SLC14A2: variants seen among roughly 807,000 people sequenced by gnomAD.
SLC14A2 encodes the protein solute carrier family 14 member 2, also known as urea transporter 2.
A neutral mutation model predicts 104.6 loss-of-function variants in SLC14A2; 91 were observed. The ratio of observed to expected loss-of-function variants is 0.87; its 90% CI spans 0.73 to 1.04. SLC14A2 has a LOEUF of 1.04. Ranked by LOEUF, SLC14A2 falls within the 50% of genes least tolerant of loss-of-function variation. SLC14A2 has a pLI of 0.00. For missense variants in SLC14A2, 1,189 were observed against 1,156.0 expected, an observed-to-expected ratio of 1.03 and a Z score of -0.41; for synonymous variants, 476 against 466.4, an observed-to-expected ratio of 1.02 and a Z score of -0.27.
upstream of SLC14A2, among the ~76,000 whole-genome samples, chr18:45,613,716 A>G (rs916363313): frequency 2.6e-5 from 4 of 152,228 alleles, no homozygotes; most frequent in Non-Finnish European, 5.9e-5. Context: ...ACGATTTAGG[A>G]TATCTGGCAG....
chr18:45,524,079 T>C (rs746735922), intron 2 of SLC14A2, among the ~76,000 whole-genome samples: 12 of 152,238 alleles, frequency 7.9e-5, no homozygotes, highest in Non-Finnish European at 1.5e-4. Flanking sequence ...CTTTCCTGGC[T>C]ATTGTAAGGA....
chr18:45,352,365 T>G (rs1407658398), intron 1 of SLC14A2, among the ~76,000 whole-genome samples: 1 of 152,070 alleles, frequency 6.6e-6, no homozygotes, highest in African/African-American at 2.4e-5. Flanking sequence ...CTCTTTTAGG[T>G]AGAGACGAAT....
At chr18:45,651,685 A>G (rs990175102) in intron 10 of SLC14A2, among the ~76,000 whole-genome samples, 7 of 152,106 alleles carry the variant, frequency 4.6e-5, no homozygotes, top group Non-Finnish European at 8.8e-5. Context: ...CTCTTTTCCA[A>G]TTCCCAACGT....
chr18:45,172,740 G>C, the SLC14A2 span, among the ~76,000 whole-genome samples: 3 of 152,108 alleles, frequency 2.0e-5, no homozygotes, highest in Admixed American at 6.6e-5. Context: ...TCCTACTTCT[G>C]TGATCCAATC....
At chr18:45,531,445 G>T (rs1333077365) in intron 2 of SLC14A2, among the ~76,000 whole-genome samples, 1 of 152,176 alleles carries the variant, frequency 6.6e-6, no homozygotes, top group Admixed American at 6.5e-5. Context: ...TTTCTCTGAT[G>T]GCCAGTGATG....
chr18:45,405,160 C>G (rs2086139837), intron 1 of SLC14A2, among the ~76,000 whole-genome samples: 1 of 152,192 alleles, frequency 6.6e-6, no homozygotes, highest in South Asian at 2.1e-4. Flanking sequence ...TTGCAGAACA[C>G]TCCCCAGGGC....
intron 2 of SLC14A2, among the ~76,000 whole-genome samples, chr18:45,503,280 G>A (rs1183247598): frequency 1.3e-5 from 2 of 152,088 alleles, no homozygotes; most frequent in Non-Finnish European, 2.9e-5. Flanking sequence ...TTAGGGAACA[G>A]GCTATGGTGG....
chr18:45,501,752 C>T lies in SLC14A2; in HGVS notation c.-35+18430C>T, dbSNP rs191941388. Among the ~76,000 whole-genome samples the T allele has an allele frequency of 1.0e-3, 155 of 152,288 alleles. 2 individuals are homozygous for T. The highest frequency in any genetic ancestry group is 9.4e-3 in the Admixed American group (144 of 15,302). On this transcript the variant is annotated intron_variant, in intron 2 of 20. Coordinates refer to the SLC14A2 transcript ENST00000586448. Reference sequence around the variant, plus strand: ...CTGAAAGGTTTCTCAACACTTTCCCCGGATCAGAGTGGTCCCAGAGTCTTG... The same window carrying T: ...CTGAAAGGTTTCTCAACACTTTCCCTGGATCAGAGTGGTCCCAGAGTCTTG...
chr18:45,410,493 A>C (rs1435712822), intron 1 of SLC14A2, among the ~76,000 whole-genome samples: 2 of 152,268 alleles, frequency 1.3e-5, no homozygotes, highest in East Asian at 3.9e-4. Context: ...CTCTCTTAAA[A>C]TGTTTTATTT....
intron 1 of SLC14A2, among the ~76,000 whole-genome samples, chr18:45,428,135 A>C (rs2086461766): frequency 1.3e-5 from 2 of 152,196 alleles, no homozygotes; most frequent in South Asian, 4.1e-4. Flanking sequence ...TTATATGTAA[A>C]TCACCTAGCT....
chr18:45,237,193 C>T (rs1042036579), intron 1 of SLC14A2, among the ~76,000 whole-genome samples: 1 of 152,160 alleles, frequency 6.6e-6, no homozygotes, highest in African/African-American at 2.4e-5. Context: ...CCAATAAACA[C>T]ATGAGGGCCC....
chr18:45,420,376 G>A (rs2086330212), intron 1 of SLC14A2, among the ~76,000 whole-genome samples: 1 of 152,202 alleles, frequency 6.6e-6, no homozygotes, highest in Admixed American at 6.5e-5. Flanking sequence ...CTGATTCAAT[G>A]AGAGTGAGAA....
intron 2 of SLC14A2, among the ~76,000 whole-genome samples, chr18:45,588,948 G>A (rs2044608374): frequency 1.5e-5 from 2 of 132,574 alleles, no homozygotes; most frequent in African/African-American, 2.9e-5. Flanking sequence ...GATTGTGGTT[G>A]TCTTTTTTTG....
intron 1 of SLC14A2, among the ~76,000 whole-genome samples, chr18:45,344,097 A>G (rs1194891491): frequency 3.3e-5 from 5 of 152,156 alleles, no homozygotes; most frequent in Admixed American, 3.3e-4. Flanking sequence ...TCTAGTTAGA[A>G]TTTGTCACAA....
intron 2 of SLC14A2, among the ~76,000 whole-genome samples, chr18:45,500,210 A>AC (rs960162622): frequency 4.6e-5 from 7 of 152,164 alleles, no homozygotes; most frequent in Non-Finnish European, 8.8e-5. Flanking sequence ...ATTGGAACCC[A>AC]CCCCAAGGAG....
upstream of SLC14A2, among the ~76,000 whole-genome samples, chr18:45,208,143 C>T (rs77906195): frequency 8.1e-3 from 1,227 of 152,230 alleles, 24 homozygotes; most frequent in African/African-American, 0.028. Context: ...AACAGATATG[C>T]ACTTCTCACA....
At chr18:45,209,191 A>AAAAG (rs1356273330), upstream of SLC14A2, among the ~76,000 whole-genome samples, 735 of 150,568 alleles carry the variant, frequency 4.9e-3, 7 homozygotes, top group African/African-American at 0.017. Flanking sequence ...AAAAAAAAAA[A>AAAAG]AAAAAAAATC....
intron 1 of SLC14A2, among the ~76,000 whole-genome samples, chr18:45,256,144 G>A (rs766267782): frequency 6.6e-5 from 10 of 152,154 alleles, no homozygotes; most frequent in Non-Finnish European, 1.5e-4. Flanking sequence ...GAAGAGACTG[G>A]TGGTACCTTT....
chr18:45,417,356 C>G (rs1438036401), intron 1 of SLC14A2, among the ~76,000 whole-genome samples: 1 of 152,122 alleles, frequency 6.6e-6, no homozygotes, highest in Admixed American at 6.6e-5. Flanking sequence ...TCTCACGCTG[C>G]TATAAAGAAC....
Sources: gnomAD v4.1 joint callset for allele counts (sites outside exome capture counted in the v4.1 genomes callset) on GRCh38, gnomAD v4.1.1 for gene constraint, MANE v1.5 for transcripts, NCBI Gene and HGNC (gene_info 2026-07-23, HGNC 2026-07-21) for gene names.